ATP13A5: variants seen among roughly 807,000 people sequenced by gnomAD.
The protein encoded by ATP13A5 is ATPase 13A5, also known as probable cation-transporting ATPase 13A5.
ATP13A5 carries 149 observed loss-of-function variants against 150.2 expected under a neutral mutation model. That is an observed-to-expected ratio of 0.99 (90% CI 0.87 to 1.14). The LOEUF is 1.14. Among genes scored for constraint, ATP13A5 ranks in the 50% most tolerant of loss-of-function variants. The pLI, the probability that ATP13A5 is intolerant of heterozygous loss-of-function variation, is 0.00. For synonymous variants in ATP13A5, 497 were observed against 522.2 expected, an observed-to-expected ratio of 0.95 and a Z score of 0.66; for missense variants, 1,383 against 1,449.3, an observed-to-expected ratio of 0.95 and a Z score of 0.74.
In ATP13A5 at chr3:193,345,057, T is replaced by C. The variant is rs748264884; in HGVS notation, c.760A>G (p.Asn254Asp). 6.2e-7 allele frequency: 1 copy of C among 1,613,734 alleles called. No homozygotes were observed. Among genetic ancestry groups the C allele is most frequent in the Admixed American group, 1.7e-5 (1 of 59,986 alleles). The change falls in exon 8 of 30, where the codon AAC becomes GAC. Residue 254 changes from asparagine (N) to aspartate (D), a missense_variant. Asn to Asp is a conservative substitution (Grantham distance 23, BLOSUM62 1). Coordinates refer to ENST00000342358, the MANE Select transcript of ATP13A5 (RefSeq NM_198505.4). ...DLRQQSVKLH[N>D]LVEDHNKVQV... ...ACTTTGTTGTGGTCCTCCACGAGGT[T>C]ATGCAGCTTAACTGATTGCTACCAA...
chr3:193,279,574 A>G (rs1717387653), intron 27 of ATP13A5, 120 bp from the exon 28 acceptor site: 2 of 692,140 alleles, frequency 2.9e-6, no homozygotes, highest in South Asian at 1.7e-5. Flanking sequence ...AGATGTTTTG[A>G]TATATCCTCA....
At chr3:193,364,064 A>C (rs1241922128) in intron 2 of ATP13A5, 43 bp downstream of exon 2, 1 of 1,597,688 alleles carries the variant, frequency 6.3e-7, no homozygotes, top group African/African-American at 1.3e-5. Context: ...AATACAGAAG[A>C]CACGATCATG....
intron 24 of ATP13A5, among the ~76,000 whole-genome samples, 160 bp from the exon 25 acceptor site, chr3:193,299,363 T>A (rs1292869721): frequency 6.6e-6 from 1 of 152,166 alleles, no homozygotes; most frequent in Admixed American, 6.6e-5. Context: ...TCTCATTTTG[T>A]AGAATGAGGC....
Position 193,288,619 on chromosome 3 carries a change from G to A in ATP13A5, c.3023+1266C>T, listed in dbSNP as rs2108825496. On this transcript the variant is annotated intron_variant, in intron 26 of 29. Transcript: ENST00000342358. ...GTAAACATAACTTTTATATGGACTG[G>A]GAACCCAAAACTTCATGTGACTTGC... is the stretch of plus-strand genomic sequence containing the variant. Among the ~76,000 whole-genome samples, 3 of 152,102 alleles carry A rather than the reference G, an allele frequency of 2.0e-5. 1 individual carries two copies. Among genetic ancestry groups the A allele is most frequent in the Middle Eastern group, 6.8e-3 (2 of 294 alleles).
intron 5 of ATP13A5, among the ~76,000 whole-genome samples, chr3:193,361,108 G>C (rs1577371281): frequency 1.3e-5 from 2 of 152,300 alleles, no homozygotes; most frequent in South Asian, 4.1e-4. Flanking sequence ...GGCAGAGTGT[G>C]TCTACATCTA....
At chr3:193,311,418 C>T (rs1472173452) in intron 20 of ATP13A5, among the ~76,000 whole-genome samples, 1 of 152,204 alleles carries the variant, frequency 6.6e-6, no homozygotes, top group Non-Finnish European at 1.5e-5. Context: ...TTTGTTTCCT[C>T]TTGCTGTAAT....
intron 18 of ATP13A5, among the ~76,000 whole-genome samples, chr3:193,314,672 G>C (rs1329409577): frequency 2.0e-5 from 3 of 152,130 alleles, no homozygotes; most frequent in Admixed American, 2.0e-4. Flanking sequence ...GGATCACTGG[G>C]TTTCTTGATG....
chr3:193,341,174 T>C lies in ATP13A5; in HGVS notation c.943+2753A>G, dbSNP rs66652689. 5.1e-3 allele frequency among the ~76,000 whole-genome samples: 287 copies of C among 56,782 alleles called. 2 individuals are homozygous for C. The highest frequency in any genetic ancestry group is 2.6e-3 in the Non-Finnish European group (70 of 27,272). 37.3% of individuals were successfully genotyped at this position (56,782 alleles called of 152,430 possible). On this transcript the variant is annotated intron_variant, in intron 9 of 29. Coordinates refer to ENST00000342358, the MANE Select transcript of ATP13A5 (RefSeq NM_198505.4). ...TCTAAATTAACATATTCCCCCCCCC[T>C]CCCAAATGATATTCCCTTTTGTCTC...
rs759567883 is a variant in ATP13A5, at chr3:193,363,331, TGGATAA to T, written c.283_288del (p.Leu95_Ser96del). The T allele has an allele frequency of 1.1e-5, 17 of 1,613,912 alleles. No individual in the cohort carries two copies. In the East Asian group the frequency reaches 1.1e-4, roughly 11 times the overall value. ...TTCTTGCTTACAGGAAACTTCAGTG[TGGATAA>T]GTAGAGGCAGAATACCTTCTTCCTC... On this transcript the variant is annotated inframe_deletion, in exon 3 of 30. Coordinates refer to ENST00000342358, the MANE Select transcript of ATP13A5 (RefSeq NM_198505.4).
rs748284542 is a variant in ATP13A5, at chr3:193,284,970, G to A, written c.3170C>T (p.Thr1057Ile). 6.2e-7 allele frequency: 1 copy of A among 1,614,108 alleles called. No homozygotes were observed. Among genetic ancestry groups the A allele is most frequent in the South Asian group, 1.1e-5 (1 of 91,084 alleles). ...LWPITTINYITVAFIFSKGKP... is the reference protein window; with the variant it reads ...LWPITTINYIIVAFIFSKGKP... Reference sequence around the variant, plus strand: ...TCCCTTAGAAAAGATGAATGCTACTGTGATATAGTTGATGGTGGTGATGGG... The same window carrying A: ...TCCCTTAGAAAAGATGAATGCTACTATGATATAGTTGATGGTGGTGATGGG... The change falls in exon 27 of 30, where the codon ACA becomes ATA. Residue 1057 changes from threonine to isoleucine, a missense_variant. Thr to Ile is a moderately conservative substitution (Grantham distance 89). Coordinates refer to ENST00000342358, the MANE Select transcript of ATP13A5 (RefSeq NM_198505.4).
rs144264774 is a variant in ATP13A5 at position 193,296,300 on chromosome 3, G to A, written c.2848+2831C>T. Among the ~76,000 whole-genome samples the A allele has an allele frequency of 4.2e-3, 645 of 152,160 alleles. 4 individuals carry two copies. The highest frequency in any genetic ancestry group is 0.015 in the African/African-American group (604 of 41,518). On this transcript the variant is annotated intron_variant, in intron 25 of 29. Coordinates refer to ENST00000342358, the MANE Select transcript of ATP13A5 (RefSeq NM_198505.4). ...TCTGATGAATTCACCAATGAACCCC[G>A]TGCCTATTGCCTAAATGTGGGTGTT... is the stretch of plus-strand genomic sequence containing the variant.
At chr3:193,316,389 T>C (rs142321826) in intron 17 of ATP13A5, among the ~76,000 whole-genome samples, 18 of 152,210 alleles carry the variant, frequency 1.2e-4, no homozygotes, top group African/African-American at 4.3e-4. Context: ...ATTAAAAACA[T>C]TCTATTTTTA....
At chr3:193,334,873 C>T (rs1711787870) in intron 10 of ATP13A5, 56 bp downstream of exon 10, 2 of 1,536,476 alleles carry the variant, frequency 1.3e-6, no homozygotes, top group African/African-American at 1.4e-5. Context: ...TTTCCCTAAT[C>T]CAACTCTCCC....
chr3:193,280,325 T>TA lies in ATP13A5; in HGVS notation c.3227-872dup, dbSNP rs1717430393. On this transcript the variant is annotated intron_variant, in intron 27 of 29. Transcript: ENST00000342358. Reference sequence around the variant, plus strand: ...CCTCGGCCTCCCAAAGTGCTATGATTACAGGCATCAGCCACACCCCTGGCC... The same window carrying TA: ...CCTCGGCCTCCCAAAGTGCTATGATTAACAGGCATCAGCCACACCCCTGGCC... 5.9e-5 allele frequency among the ~76,000 whole-genome samples: 9 copies of TA among 152,294 alleles called. No individual in the cohort carries two copies. The South Asian group carries it at 1.9e-3, about 32-fold the overall frequency.
chr3:193,317,746 C>G (rs1268976504), intron 17 of ATP13A5, among the ~76,000 whole-genome samples: 1 of 152,006 alleles, frequency 6.6e-6, no homozygotes, highest in Non-Finnish European at 1.5e-5. Context: ...CCAAAAAAAC[C>G]TGGAATGGTT....
At chr3:193,297,618 A>G (rs934069272) in intron 25 of ATP13A5, among the ~76,000 whole-genome samples, 1 of 151,824 alleles carries the variant, frequency 6.6e-6, no homozygotes, top group Non-Finnish European at 1.5e-5. Flanking sequence ...GTCTATCGTC[A>G]CCCTTCTGAG....
chr3:193,277,347 A>G (rs1343922927), intron 28 of ATP13A5, among the ~76,000 whole-genome samples: 3 of 152,118 alleles, frequency 2.0e-5, no homozygotes, highest in African/African-American at 7.2e-5. Flanking sequence ...CTCCAAACCC[A>G]CCAGTTTTTA....
intron 11 of ATP13A5, among the ~76,000 whole-genome samples, chr3:193,332,527 G>A (rs1460356854): frequency 6.6e-6 from 1 of 152,132 alleles, no homozygotes; most frequent in African/African-American, 2.4e-5. Context: ...CTATGTTTTT[G>A]TTAAATTAAC....
intron 14 of ATP13A5, among the ~76,000 whole-genome samples, 161 bp downstream of exon 14, chr3:193,324,703 A>G (rs1262015797): frequency 2.0e-5 from 3 of 152,238 alleles, no homozygotes; most frequent in African/African-American, 4.8e-5. Context: ...CCATTAACAG[A>G]ATTCTTTGGG....
Sources: gnomAD v4.1 joint callset for allele counts (sites outside exome capture counted in the v4.1 genomes callset) on GRCh38, gnomAD v4.1.1 for gene constraint, MANE v1.5 for transcripts, NCBI Gene and HGNC (gene_info 2026-07-23, HGNC 2026-07-21) for gene names.